The following OARD1 variants were observed in gnomAD, a reference collection of about 807,000 sequenced individuals.
OARD1 encodes ADP-ribose glycohydrolase OARD1.
Under a neutral mutation model 19.7 loss-of-function variants are expected in OARD1, and 19 were observed. That is an observed-to-expected ratio of 0.96 (90% CI 0.67 to 1.41). The LOEUF (loss-of-function observed/expected upper bound fraction) is 1.41. OARD1 is among the 40% of genes most tolerant of loss of function. The pLI, the probability that OARD1 is intolerant of heterozygous loss-of-function variation, is 0.00. For synonymous variants in OARD1, 70 were observed against 61.8 expected, an observed-to-expected ratio of 1.13 and a Z score of -0.62; for missense variants, 190 against 183.8, an observed-to-expected ratio of 1.03 and a Z score of -0.20.
At chr6:41,081,546 G>A (rs1219792839) in intron 1 of OARD1, among the ~76,000 whole-genome samples, 1 of 152,062 alleles carries the variant, frequency 6.6e-6, no homozygotes, top group African/African-American at 2.4e-5. Context: ...TAATTGCATG[G>A]TAAAAATTTT....
At chr6:41,093,216 G>C (rs777061919) in intron 1 of OARD1, 17 of 767,114 alleles carry the variant, frequency 2.2e-5, no homozygotes, top group Non-Finnish European at 3.4e-5. Flanking sequence ...TGTCTCTTTT[G>C]TAAGAGTTAG....
chr6:41,068,862 A>T lies in OARD1; in HGVS notation c.335T>A (p.Val112Asp), dbSNP rs1312141041. Reference sequence around the variant, plus strand: ...TTGCCTGGGCATGGAGAGGTCAGTGACTCCATTCTTCAGACAATGAGACTT... The same window carrying T: ...TTGCCTGGGCATGGAGAGGTCAGTGTCTCCATTCTTCAGACAATGAGACTT... ...AMKSHCLKNG[V>D]TDLSMPRIGC... The change falls in exon 5 of 6, where the codon GTC becomes GAC. Residue 112 changes from valine (V) to aspartate (D), a missense_variant. Val to Asp is a radical substitution (Grantham distance 152). Transcript: ENST00000424266. The T allele has an allele frequency of 1.3e-6, 2 of 1,595,134 alleles. No individual in the cohort carries two copies. Among genetic ancestry groups the T allele is most frequent in the East Asian group, 4.5e-5 (2 of 44,504 alleles).
intron 4 of OARD1, chr6:41,069,412 C>A (rs1363346742): frequency 6.5e-6 from 1 of 154,168 alleles, no homozygotes; most frequent in African/African-American, 2.4e-5. Flanking sequence ...CTGGTAGGGT[C>A]CCAAAGTAAA....
chr6:41,070,188 T>G (rs1763258345), intron 3 of OARD1, 54 bp from the exon 4 acceptor site: 1 of 946,668 alleles, frequency 1.1e-6, no homozygotes. Flanking sequence ...AACACTGATC[T>G]CTAAAGATTT....
intron 1 of OARD1, chr6:41,090,158 G>GT (rs1202407150): frequency 8.0e-7 from 1 of 1,257,458 alleles, no homozygotes; most frequent in Non-Finnish European, 1.2e-6. Flanking sequence ...TTCTTTGTTA[G>GT]TATCTTTGGG....
intron 1 of OARD1, chr6:41,089,726 C>T (rs377660329): frequency 1.1e-4 from 174 of 1,609,110 alleles, no homozygotes; most frequent in Non-Finnish European, 1.3e-4. Flanking sequence ...TCCACTAGCT[C>T]TGTCACACAG....
At chr6:41,095,872 G>A (rs1764339476) in intron 1 of OARD1, among the ~76,000 whole-genome samples, 1 of 152,164 alleles carries the variant, frequency 6.6e-6, no homozygotes, top group African/African-American at 2.4e-5. Context: ...TAAGTAAGTT[G>A]TATTTAAGTA....
chr6:41,071,015 T>C (rs1483507159), intron 3 of OARD1, 117 bp downstream of exon 3: 26 of 1,114,844 alleles, frequency 2.3e-5, no homozygotes, highest in Non-Finnish European at 3.4e-5. Flanking sequence ...GGGAGGAAAA[T>C]CTTAAAAACA....
rs777581809 is a variant in OARD1, at chr6:41,067,386, G to A, written c.408C>T (p.Ile136=). Residue 136 remains isoleucine, a synonymous_variant, in exon 6 of 6, where the codon ATC becomes ATT. Transcript: ENST00000424266. ...TGTCTGTTGCCTCAAATACCTCCTC[G>A]ATCATCGCAGATACATTTTCCCATT... ...RLQWENVSAM[I]EEVFEATDIK... The A allele has an allele frequency of 1.1e-5, 18 of 1,613,464 alleles. No individual in the cohort carries two copies. Among genetic ancestry groups the A allele is most frequent in the Admixed American group, 5.0e-5 (3 of 59,990 alleles).
intron 1 of OARD1, chr6:41,091,839 T>A: frequency 1.1e-6 from 1 of 887,242 alleles, no homozygotes; most frequent in Non-Finnish European, 1.7e-6. Flanking sequence ...AATAACATTA[T>A]GACAAACCAT....
Position 41,065,909 on chromosome 6 carries a change from G to T in OARD1, c.*1426C>A, listed in dbSNP as rs2114037604. ...GGCTGTTTTAACTCTCAACACCACT[G>T]TAAGGGAAAACAAGAAAATGTCTAG... On this transcript the variant is annotated 3_prime_UTR_variant, in exon 6 of 6. Transcript: ENST00000424266. 1.3e-5 allele frequency: 2 copies of T among 152,314 alleles called. No homozygotes were observed. The highest frequency in any genetic ancestry group is 2.9e-5 in the Non-Finnish European group (2 of 68,038). The allele number at this position is 152,314 out of a possible 1,614,324, so 9.4% of individuals were successfully genotyped here. A position where few individuals can be genotyped will look rare whatever the true frequency, so the allele number is the denominator to read the frequency against.
intron 5 of OARD1, among the ~76,000 whole-genome samples, chr6:41,068,579 C>T (rs1763147547): frequency 6.6e-6 from 1 of 152,222 alleles, no homozygotes; most frequent in Non-Finnish European, 1.5e-5. Flanking sequence ...AGCTGAATGA[C>T]AATGGTCGCT....
upstream of OARD1, chr6:41,073,177 C>T (rs1763569376): frequency 6.6e-6 from 1 of 152,374 alleles, no homozygotes; most frequent in Non-Finnish European, 1.5e-5. Context: ...GGCCCAGGCG[C>T]CCGTCGAGCC....
rs773749073 is a variant in OARD1, at chr6:41,079,215, C to T, written c.-41-7540G>A. On this transcript the variant is annotated intron_variant, in intron 1 of 4. Transcript: ENST00000480585. Reference sequence around the variant, plus strand: ...ATTACAGCAATGAAACTGATAACAGCACCACTCAATTGGTTGGTCTATTGC... The same window carrying T: ...ATTACAGCAATGAAACTGATAACAGTACCACTCAATTGGTTGGTCTATTGC... 5 of 1,539,528 alleles carry T rather than the reference C, an allele frequency of 3.2e-6. No individual in the cohort carries two copies. In the South Asian group the frequency reaches 5.6e-5, roughly 17 times the overall value.
chr6:41,080,858 G>A (rs777003094), intron 1 of OARD1: 3 of 1,614,046 alleles, frequency 1.9e-6, no homozygotes, highest in Middle Eastern at 1.7e-4. Context: ...AGGCCCAGGT[G>A]GCATCCGCCT....
At chr6:41,072,860 T>C (rs1763545703), upstream of OARD1, 1 of 152,992 alleles carries the variant, frequency 6.5e-6, no homozygotes, top group Admixed American at 6.5e-5. Context: ...GCGTTGCTCC[T>C]CCGAAGGGGT....
chr6:41,071,010 G>T (rs1219909530), intron 3 of OARD1, 122 bp downstream of exon 3: 2 of 1,064,394 alleles, frequency 1.9e-6, no homozygotes, highest in Non-Finnish European at 2.9e-6. Flanking sequence ...TCTTGGGGAG[G>T]AAAATCTTAA....
At chr6:41,068,995 AGC>A in intron 4 of OARD1, 42 bp from the exon 5 acceptor site, 1 of 1,113,664 alleles carries the variant, frequency 9.0e-7, no homozygotes, top group African/African-American at 1.6e-5. Flanking sequence ...CCAAAATGAT[AGC>A]CAAAGAAAAG....
In OARD1 at chr6:41,079,009, T is replaced by C. The variant is rs1020007545; in HGVS notation, c.-41-7334A>G. The C allele has an allele frequency of 4.7e-6, 6 of 1,284,446 alleles. No individual in the cohort carries two copies. The African/African-American group carries it at 8.8e-5, about 19-fold the overall frequency. 79.6% of individuals were successfully genotyped at this position (1,284,446 alleles called of 1,614,324 possible). On this transcript the variant is annotated intron_variant, in intron 1 of 4. Coordinates refer to the OARD1 transcript ENST00000480585. ...TTATTGACAATCTCACTTTAGTTTC[T>C]TTCCCCACCTTTCTAACAGGAGTGT... is the stretch of plus-strand genomic sequence containing the variant.
Sources: allele counts gnomAD v4.1 joint callset (sites outside exome capture counted in the v4.1 genomes callset), GRCh38; gene constraint gnomAD v4.1.1; transcripts MANE v1.5; gene names NCBI Gene and HGNC (gene_info 2026-07-23, HGNC 2026-07-21).